The following FMO5 variants were observed in gnomAD, a reference collection of about 807,000 sequenced individuals.
FMO5 encodes flavin-containing monooxygenase 5.
FMO5 carries 51 observed loss-of-function variants against 43.6 expected under a neutral mutation model. That is an observed-to-expected ratio of 1.17 (90% confidence interval 0.93 to 1.48). The LOEUF (loss-of-function observed/expected upper bound fraction) is 1.48, where lower values mean the gene tolerates loss of function less well. Among genes scored for constraint, FMO5 ranks in the 40% most tolerant of loss-of-function variants. The pLI is 0.00. For synonymous variants in FMO5, 187 were observed against 216.5 expected (o/e 0.86, Z 1.20); for missense variants, 644 against 643.0 (o/e 1.00, Z -0.02).
intron 6 of FMO5, chr1:147,204,932 T>G: frequency 6.4e-7 from 1 of 1,553,602 alleles, no homozygotes; most frequent in Non-Finnish European, 8.9e-7. Context: ...TGAAGCGCCA[T>G]GGCCAGCCTG....
At chr1:147,206,079 A>G (rs1168635173) in intron 6 of FMO5, among the ~76,000 whole-genome samples, 1 of 150,682 alleles carries the variant, frequency 6.6e-6, no homozygotes, top group African/African-American at 2.5e-5. Flanking sequence ...AGAAAAAAAC[A>G]AACAACCCCA....
chr1:147,187,516 G>A (rs1007991682), intron 8 of FMO5, among the ~76,000 whole-genome samples: 3 of 152,238 alleles, frequency 2.0e-5, no homozygotes, highest in South Asian at 2.1e-4. Flanking sequence ...AGCTGTAATC[G>A]TTAGGTTCTT....
chr1:147,184,384 A>T, downstream of FMO5: 1 of 1,186,358 alleles, frequency 8.4e-7, no homozygotes, highest in Non-Finnish European at 1.1e-6. This position sits in a 1 kb window ranked among gnomAD's most constrained non-coding sequence, Gnocchi z 4.4. Flanking sequence ...ACCAATATTG[A>T]TACATTATTA....
intron 6 of FMO5, chr1:147,204,254 T>C: frequency 8.7e-7 from 1 of 1,144,386 alleles, no homozygotes; most frequent in Non-Finnish European, 1.3e-6. Context: ...TCACCTTCTG[T>C]TTCCTTCTTA....
chr1:147,202,309 GTTC>G (rs149358074), intron 6 of FMO5, among the ~76,000 whole-genome samples: 1 of 118,458 alleles, frequency 8.4e-6, no homozygotes, highest in African/African-American at 3.2e-5. Flanking sequence ...CTAAAAAGCA[GTTC>G]TTTTTTTTTT....
intron 6 of FMO5, 35 bp downstream of exon 6, chr1:147,208,817 G>T: frequency 6.4e-7 from 1 of 1,564,254 alleles, no homozygotes; most frequent in Middle Eastern, 1.7e-4. Context: ...TTGTGCTTTG[G>T]CCACTATCCC....
At chr1:147,216,080 T>A (rs1207544726) in intron 2 of FMO5, 138 bp from the exon 3 acceptor site, 1 of 611,320 alleles carries the variant, frequency 1.6e-6, no homozygotes, top group African/African-American at 1.9e-5. Flanking sequence ...TGTGCCCTTA[T>A]GTAGTCCCTT....
intron 7 of FMO5, among the ~76,000 whole-genome samples, chr1:147,196,216 A>G (rs6665580): frequency 0.037 from 5,611 of 152,232 alleles, 155 homozygotes; most frequent in South Asian, 0.095. Flanking sequence ...GGAACTCAGA[A>G]GTTCATCACT....
chr1:147,192,445 TGTC>T (rs1236825591), intron 7 of FMO5, among the ~76,000 whole-genome samples: 1 of 152,174 alleles, frequency 6.6e-6, no homozygotes, highest in Non-Finnish European at 1.5e-5. Flanking sequence ...TATACAATCA[TGTC>T]GTCTGCAAAC....
At chr1:147,195,482 C>T (rs587605132) in intron 7 of FMO5, among the ~76,000 whole-genome samples, 1 of 152,160 alleles carries the variant, frequency 6.6e-6, no homozygotes, top group African/African-American at 2.4e-5. Flanking sequence ...GGAAGATAAG[C>T]TTCATTTTCT....
In FMO5 at chr1:147,224,958, T is replaced by G. The variant is rs782686115; in HGVS notation, c.72A>C (p.Glu24Asp). 1.9e-6 allele frequency: 3 copies of G among 1,613,946 alleles called. No homozygotes were observed. The East Asian group carries it at 6.7e-5, about 36-fold the overall frequency. Residue 24 changes from glutamate to aspartate, a missense_variant, in exon 2 of 9, where the codon GAA becomes GAC. Glu to Asp is a conservative substitution (Grantham distance 45). Coordinates refer to ENST00000254090, the MANE Select transcript of FMO5 (RefSeq NM_001461.4). ...SGLSSIKCCVEEGLEPVCFER... is the reference protein window; with the variant it reads ...SGLSSIKCCVDEGLEPVCFER... ...CAAAGCAGACAGGTTCCAAGCCTTC[T>G]TCTACGCAGCACTTGATGGAAGAGA... is the stretch of plus-strand genomic sequence containing the variant.
rs1341622286 is a variant in FMO5 at position 147,201,133 on chromosome 1, T to G, written c.1183+19A>C. 6.5e-7 allele frequency: 1 copy of G among 1,548,370 alleles called. No homozygotes were observed. The highest frequency in any genetic ancestry group is 8.9e-7 in the Non-Finnish European group (1 of 1,129,784). ...CATATCACCAAGTAATTAAGTAGTC[T>G]ATTTGCATGGTCACTTACCTTTAAA... is the stretch of plus-strand genomic sequence containing the variant. On this transcript the variant is annotated intron_variant, in intron 7 of 8. Coordinates refer to ENST00000254090, the MANE Select transcript of FMO5 (RefSeq NM_001461.4).
intron 6 of FMO5, among the ~76,000 whole-genome samples, chr1:147,201,810 G>A (rs1281269768): frequency 6.6e-6 from 1 of 152,134 alleles, no homozygotes; most frequent in African/African-American, 2.4e-5. Flanking sequence ...TAAGGCCACA[G>A]GTCAATAGTT....
intron 6 of FMO5, chr1:147,203,647 T>C: frequency 7.4e-7 from 1 of 1,360,290 alleles, no homozygotes; most frequent in Non-Finnish European, 1.1e-6. Context: ...GTCCAGGACA[T>C]GTCTCTCCAT....
chr1:147,204,438 A>G, intron 6 of FMO5: 1 of 1,243,290 alleles, frequency 8.0e-7, no homozygotes, highest in Non-Finnish European at 1.2e-6. Context: ...TTACAGAGGT[A>G]CGAAGTAGAG....
chr1:147,224,917 A>G lies in FMO5; in HGVS notation c.113T>C (p.Ile38Thr). 6.2e-7 allele frequency: 1 copy of G among 1,614,030 alleles called. No homozygotes were observed. Among genetic ancestry groups the G allele is most frequent in the Non-Finnish European group, 8.5e-7 (1 of 1,179,986 alleles). ...EPVCFERTDD[I>T]GGLWRFQENP... Reference sequence around the variant, plus strand: ...TACCTGGAACCTCCAGAGCCCTCCGATGTCATCAGTCCTTTCAAAGCAGAC... The same window carrying G: ...TACCTGGAACCTCCAGAGCCCTCCGGTGTCATCAGTCCTTTCAAAGCAGAC... Residue 38 changes from isoleucine to threonine, a missense_variant, in exon 2 of 9, where the codon ATC (isoleucine) becomes ACC (threonine). Transcript: ENST00000254090.
chr1:147,187,859 A>C (rs1049356407), intron 8 of FMO5, among the ~76,000 whole-genome samples: 12 of 152,194 alleles, frequency 7.9e-5, no homozygotes, highest in Non-Finnish European at 1.6e-4. Context: ...ATTAACAGTG[A>C]TATCTGTGTG....
intron 7 of FMO5, among the ~76,000 whole-genome samples, chr1:147,198,864 A>G (rs1341395018): frequency 2.2e-5 from 3 of 139,344 alleles, no homozygotes; most frequent in South Asian, 4.4e-4. Context: ...AAAAAAAAAA[A>G]AAAAAAAAAA....
At chr1:147,187,984 T>G (rs1316941119) in intron 8 of FMO5, among the ~76,000 whole-genome samples, 5 of 151,988 alleles carry the variant, frequency 3.3e-5, no homozygotes, top group Non-Finnish European at 7.4e-5. Flanking sequence ...CAATTGAGAT[T>G]GAAGAATCCA....
Sources: allele counts gnomAD v4.1 joint callset (sites outside exome capture counted in the v4.1 genomes callset), GRCh38; gene constraint gnomAD v4.1.1; non-coding constraint Gnocchi (gnomAD v3.1); transcripts MANE v1.5; gene names NCBI Gene and HGNC (gene_info 2026-07-23, HGNC 2026-07-21).